The following SCN10A variants were observed in gnomAD, a reference collection of about 807,000 sequenced individuals.
SCN10A encodes the protein sodium channel protein type 10 subunit alpha.
In SCN10A, 162 loss-of-function variants were observed where a neutral mutation model predicts 170.7. That is an observed-to-expected ratio of 0.95 (90% CI 0.84 to 1.08). SCN10A has a LOEUF of 1.08. Among genes scored for constraint, SCN10A ranks in the 50% least tolerant of loss-of-function variants. SCN10A has a pLI of 0.00. For synonymous variants in SCN10A, 985 were observed against 904.6 expected (o/e 1.09, Z -1.59); for missense variants, 2,527 against 2,436.9 (o/e 1.04, Z -0.78).
In SCN10A at chr3:38,728,688, T is replaced by C. The variant is rs2126003068; in HGVS notation, c.2494A>G (p.Met832Val). The change falls in exon 16 of 28, where the codon ATG becomes GTG. Residue 832 changes from methionine to valine, a missense_variant. Physicochemically the swap from Met to Val is conservative, Grantham distance 21 (BLOSUM62 1). Coordinates refer to ENST00000449082, the MANE Select transcript of SCN10A (RefSeq NM_006514.4). ...AGGAAAGAGTGGAAGAAGTCGTGCA[T>C]GTGCCAGCGGGGCCAGTCTTCATGG... is the stretch of plus-strand genomic sequence containing the variant. ...APHEDWPRWH[M>V]HDFFHSFLIV... 1.9e-6 allele frequency: 3 copies of C among 1,614,064 alleles called. No individual in the cohort carries two copies. The highest frequency in any genetic ancestry group is 2.5e-6 in the Non-Finnish European group (3 of 1,179,984).
At chr3:38,793,633 T>A in intron 2 of SCN10A, 108 bp downstream of exon 2, 1 of 1,089,640 alleles carries the variant, frequency 9.2e-7, no homozygotes, top group Non-Finnish European at 1.3e-6. Context: ...ACGGAATCTT[T>A]AGCAGACTGC....
chr3:38,749,138 G>A (rs936805195), intron 13 of SCN10A, among the ~76,000 whole-genome samples: 1 of 152,174 alleles, frequency 6.6e-6, no homozygotes, highest in Non-Finnish European at 1.5e-5. Context: ...GGCACACATT[G>A]GCTCTGTTTT....
At position 38,763,156 on chromosome 3, in the gene SCN10A, C is replaced by T. The variant is rs115837249; in HGVS notation, c.691+349G>A. Among the ~76,000 whole-genome samples the T allele has an allele frequency of 3.8e-3, 574 of 152,304 alleles. 1 individual carries two copies. Among genetic ancestry groups the T allele is most frequent in the Middle Eastern group, 6.8e-3 (2 of 294 alleles). On this transcript the variant is annotated intron_variant, in intron 6 of 27. Transcript: ENST00000449082. ...CTTCCTCCCCATTTCCAAGTTTAAT[C>T]CTTTAGTTTAAGGTATAAATAAAAA...
chr3:38,806,520 A>T (rs2064406398), intron 1 of SCN10A, among the ~76,000 whole-genome samples: 1 of 152,192 alleles, frequency 6.6e-6, no homozygotes, highest in Admixed American at 6.5e-5. Context: ...ACTGGACTCG[A>T]AGACAGGAAG....
intron 12 of SCN10A, among the ~76,000 whole-genome samples, chr3:38,750,551 C>T (rs1228787015): frequency 6.6e-6 from 1 of 152,202 alleles, no homozygotes; most frequent in East Asian, 1.9e-4. Context: ...CTAGTAGTCA[C>T]TATTTATTGT....
chr3:38,773,014 T>C (rs186940666), intron 4 of SCN10A, among the ~76,000 whole-genome samples: 6 of 152,288 alleles, frequency 3.9e-5, no homozygotes, highest in African/African-American at 1.2e-4. Flanking sequence ...ATTGTTTGAC[T>C]AATAGGAGGT....
intron 6 of SCN10A, among the ~76,000 whole-genome samples, chr3:38,762,657 G>T (rs1480422515): frequency 6.6e-6 from 1 of 152,144 alleles, no homozygotes; most frequent in African/African-American, 2.4e-5. Flanking sequence ...TCCCAGTTGA[G>T]AGTAAGTGAG....
rs1310841505 is a variant in SCN10A, at chr3:38,789,046, C to A, written c.390-10G>T. On this transcript the variant is annotated splice_polypyrimidine_tract_variant and intron_variant, in intron 3 of 27. Transcript: ENST00000449082. ...AAATAAACTGAACCACCTGAAAGGC[C>A]TGTGTTAAGGAAAAGCTGAGATCAC... The A allele has an allele frequency of 6.3e-7, 1 of 1,582,484 alleles. No homozygotes were observed. The highest frequency in any genetic ancestry group is 1.1e-5 in the South Asian group (1 of 90,394).
chr3:38,758,344 G>T (rs2063832366), intron 8 of SCN10A, among the ~76,000 whole-genome samples: 1 of 152,280 alleles, frequency 6.6e-6, no homozygotes, highest in African/African-American at 2.4e-5. Flanking sequence ...GGGCAGCCTT[G>T]TTTCTATGTC....
intron 13 of SCN10A, among the ~76,000 whole-genome samples, chr3:38,748,504 G>A (rs1225180730): frequency 6.6e-6 from 1 of 152,198 alleles, no homozygotes; most frequent in African/African-American, 2.4e-5. Context: ...GTCTGTGTCT[G>A]AGTTTTGTAG....
chr3:38,756,123 C>A (rs192475064), intron 10 of SCN10A, among the ~76,000 whole-genome samples, 165 bp from the exon 11 acceptor site: 6 of 152,158 alleles, frequency 3.9e-5, no homozygotes, highest in Non-Finnish European at 8.8e-5. Context: ...ACAGACACCT[C>A]GGGTCACCCC....
At chr3:38,698,608 A>T in intron 27 of SCN10A, 46 bp from the exon 28 acceptor site, 1 of 1,567,404 alleles carries the variant, frequency 6.4e-7, no homozygotes, top group Non-Finnish European at 8.7e-7. Flanking sequence ...TCCAGCCATG[A>T]GACGTGACAA....
chr3:38,722,584 C>A (rs1012961767), intron 19 of SCN10A, among the ~76,000 whole-genome samples, 172 bp from the exon 20 acceptor site: 1 of 152,228 alleles, frequency 6.6e-6, no homozygotes, highest in African/African-American at 2.4e-5. Flanking sequence ...GTCCCTCAAT[C>A]CAGACCAACA....
At chr3:38,756,560 T>C (rs567879125) in intron 10 of SCN10A, 114 bp downstream of exon 10, 6 of 828,942 alleles carry the variant, frequency 7.2e-6, no homozygotes, top group Middle Eastern at 7.3e-4. Flanking sequence ...TGAGGCAAGA[T>C]GATTCCTCCT....
At chr3:38,747,871 C>T (rs991783236) in intron 13 of SCN10A, among the ~76,000 whole-genome samples, 1 of 152,152 alleles carries the variant, frequency 6.6e-6, no homozygotes, top group African/African-American at 2.4e-5. Flanking sequence ...TTTTCCATCT[C>T]CTTTCCTACT....
At chr3:38,768,943 T>C (rs182731407) in intron 5 of SCN10A, among the ~76,000 whole-genome samples, 3 of 152,262 alleles carry the variant, frequency 2.0e-5, no homozygotes, top group Admixed American at 2.0e-4. Flanking sequence ...CGATTTGTCA[T>C]TTTTTTAAAA....
chr3:38,729,221 TC>T (rs2063490012), intron 15 of SCN10A, among the ~76,000 whole-genome samples: 1 of 152,144 alleles, frequency 6.6e-6, no homozygotes, highest in Admixed American at 6.5e-5. Context: ...AATATGGGCC[TC>T]TTCTGTGGAG....
chr3:38,796,580 C>A (rs1042624370), intron 1 of SCN10A, among the ~76,000 whole-genome samples: 3 of 152,218 alleles, frequency 2.0e-5, no homozygotes, highest in African/African-American at 7.2e-5. Context: ...CCCAGCCACA[C>A]TACTTTTATA....
At chr3:38,777,314 C>T (rs2064087527) in intron 4 of SCN10A, among the ~76,000 whole-genome samples, 1 of 151,982 alleles carries the variant, frequency 6.6e-6, no homozygotes, top group African/African-American at 2.4e-5. Flanking sequence ...AGCAGGGTTG[C>T]TGGATGCAAA....
Sources: gnomAD v4.1 joint callset for allele counts (sites outside exome capture counted in the v4.1 genomes callset) on GRCh38, gnomAD v4.1.1 for gene constraint, MANE v1.5 for transcripts, NCBI Gene and HGNC (gene_info 2026-07-23, HGNC 2026-07-21) for gene names.